The following SPMIP7 variants were observed in gnomAD, a reference collection of about 807,000 sequenced individuals.
SPMIP7 encodes the protein sperm microtubule inner protein 7, also known as protein SPMIP7.
the SPMIP7 span, among the ~76,000 whole-genome samples, chr7:50,148,486 T>A: frequency 2.0e-5 from 3 of 152,230 alleles, no homozygotes; most frequent in Non-Finnish European, 4.4e-5. Context: ...TTTAGAGGCA[T>A]TTTAATTCTG....
the SPMIP7 span, chr7:50,096,741 G>A: frequency 2.2e-6 from 2 of 913,624 alleles, no homozygotes; most frequent in Non-Finnish European, 3.1e-6. Flanking sequence ...AAATTACAAT[G>A]ATCTGAAAAA....
the SPMIP7 span, among the ~76,000 whole-genome samples, chr7:50,130,433 C>T: frequency 8.0e-4 from 121 of 152,150 alleles, no homozygotes; most frequent in African/African-American, 2.6e-3. Context: ...TTCACTACCA[C>T]GAGAACGGTA....
chr7:50,112,342 C>A, the SPMIP7 span, among the ~76,000 whole-genome samples: 1 of 151,956 alleles, frequency 6.6e-6, no homozygotes, highest in Non-Finnish European at 1.5e-5. Context: ...GGTTTCTGGA[C>A]CTTGGCATGG....
the SPMIP7 span, among the ~76,000 whole-genome samples, chr7:50,125,249 CACAT>C: frequency 3.7e-5 from 1 of 27,060 alleles, no homozygotes; most frequent in African/African-American, 1.5e-4. Flanking sequence ...CACATATATA[CACAT>C]ATATATACAC....
the SPMIP7 span, among the ~76,000 whole-genome samples, chr7:50,108,532 A>G: frequency 2.0e-5 from 3 of 152,162 alleles, no homozygotes; most frequent in South Asian, 6.2e-4. Flanking sequence ...TATAGAAAAT[A>G]TGACATAAAT....
chr7:50,107,386 G>GAA, the SPMIP7 span, among the ~76,000 whole-genome samples: 1 of 47,350 alleles, frequency 2.1e-5, no homozygotes, highest in African/African-American at 8.5e-5. Context: ...AAAAAAAAAA[G>GAA]AAAAGAAAAG....
chr7:50,148,282 A>G, the SPMIP7 span, among the ~76,000 whole-genome samples: 4 of 152,238 alleles, frequency 2.6e-5, no homozygotes, highest in African/African-American at 7.2e-5. Flanking sequence ...CTTCCATGAA[A>G]TGTTATTATT....
chr7:50,149,710 G>A, the SPMIP7 span, among the ~76,000 whole-genome samples: 1 of 152,198 alleles, frequency 6.6e-6, no homozygotes, highest in Non-Finnish European at 1.5e-5. Context: ...TCACCTGCAA[G>A]CCAATAAGTC....
the SPMIP7 span, among the ~76,000 whole-genome samples, chr7:50,150,981 A>C: frequency 6.6e-6 from 1 of 152,256 alleles, no homozygotes; most frequent in African/African-American, 2.4e-5. Context: ...GAAATTTACA[A>C]TGCAGTACAT....
the SPMIP7 span, among the ~76,000 whole-genome samples, chr7:50,112,213 T>G: frequency 6.6e-6 from 1 of 152,112 alleles, no homozygotes; most frequent in Non-Finnish European, 1.5e-5. Context: ...AAAGAATATT[T>G]AAAAGTGTTA....
chr7:50,095,956 A>G, the SPMIP7 span: 2 of 604,088 alleles, frequency 3.3e-6, no homozygotes, highest in Non-Finnish European at 5.1e-6. Flanking sequence ...GCCAACATTT[A>G]GAAAGCTGTG....
At chr7:50,102,342 A>C in the SPMIP7 span, among the ~76,000 whole-genome samples, 1 of 152,172 alleles carries the variant, frequency 6.6e-6, no homozygotes, top group Non-Finnish European at 1.5e-5. Flanking sequence ...AAATAAAGCC[A>C]AAATCAAGGT....
At chr7:50,117,256 A>G in the SPMIP7 span, 3 of 456,090 alleles carry the variant, frequency 6.6e-6, no homozygotes, top group African/African-American at 6.0e-5. Flanking sequence ...TACTTACCCA[A>G]AAACATGAAG....
the SPMIP7 span, among the ~76,000 whole-genome samples, chr7:50,149,549 G>A: frequency 6.6e-6 from 1 of 152,198 alleles, no homozygotes; most frequent in Non-Finnish European, 1.5e-5. Flanking sequence ...TGCCACAGAA[G>A]CCTGCTTCTC....
At chr7:50,137,673 T>C in the SPMIP7 span, among the ~76,000 whole-genome samples, 4,650 of 152,154 alleles carry the variant, frequency 0.031, 106 homozygotes, top group Middle Eastern at 0.065. Flanking sequence ...AGCCAGTGTT[T>C]AGAATTTTCA....
chr7:50,119,950 C>T, the SPMIP7 span, among the ~76,000 whole-genome samples: 6 of 152,272 alleles, frequency 3.9e-5, no homozygotes, highest in East Asian at 3.9e-4. Flanking sequence ...CTGGCTCACG[C>T]GCTATGTAGG....
chr7:50,107,362 C>CA, the SPMIP7 span, among the ~76,000 whole-genome samples: 860 of 16,532 alleles, frequency 0.052, 44 homozygotes, highest in African/African-American at 0.068. Flanking sequence ...GACTCTGTCT[C>CA]AAAAAAAAAA....
At chr7:50,119,739 A>G in the SPMIP7 span, among the ~76,000 whole-genome samples, 728 of 152,294 alleles carry the variant, frequency 4.8e-3, 6 homozygotes, top group African/African-American at 0.017. Flanking sequence ...AAACCTATCA[A>G]AGTGATGCCT....
chr7:50,113,843 AT>A, the SPMIP7 span, among the ~76,000 whole-genome samples: 1 of 151,946 alleles, frequency 6.6e-6, no homozygotes, highest in East Asian at 1.9e-4. Flanking sequence ...ATCTGTATAA[AT>A]TTTTTTTAAA....
Sources: gnomAD v4.1 joint callset for allele counts (sites outside exome capture counted in the v4.1 genomes callset) on GRCh38, gnomAD v4.1.1 for gene constraint, MANE v1.5 for transcripts, NCBI Gene and HGNC (gene_info 2026-07-23, HGNC 2026-07-21) for gene names.